Variants in MTUS2 observed in about 807,000 individuals in gnomAD.
MTUS2 encodes the protein microtubule-associated tumor suppressor candidate 2.
Under a neutral mutation model 114.1 loss-of-function variants are expected in MTUS2, and 40 were observed. The observed-to-expected ratio is 0.35, with a 90% CI of 0.27 to 0.46. The LOEUF is 0.46. Among genes scored for constraint, MTUS2 ranks in the 20% least tolerant of loss-of-function variants. The pLI is 1.00. For synonymous variants in MTUS2, 688 were observed against 672.0 expected (o/e 1.02, Z -0.37); for missense variants, 1,679 against 1,705.4 (o/e 0.98, Z 0.27).
intron 8 of MTUS2, among the ~76,000 whole-genome samples, chr13:29,420,478 A>G (rs1355657155): frequency 1.3e-5 from 2 of 152,064 alleles, no homozygotes; most frequent in African/African-American, 2.4e-5. Context: ...GGGTTTCACC[A>G]TGTTGGCCAG....
At chr13:29,390,122 C>A (rs9670887) in intron 8 of MTUS2, among the ~76,000 whole-genome samples, 4,633 of 138,460 alleles carry the variant, frequency 0.033, 353 homozygotes, top group African/African-American at 0.12. Flanking sequence ...CATACACACA[C>A]AAACATATAT....
intron 8 of MTUS2, among the ~76,000 whole-genome samples, chr13:29,372,508 A>G (rs1566161005): frequency 1.1e-4 from 1 of 8,832 alleles, no homozygotes; most frequent in Non-Finnish European, 5.6e-3. Context: ...CCAGAAGATC[A>G]ACACTCTACC....
intron 2 of MTUS2, among the ~76,000 whole-genome samples, chr13:28,867,301 T>C (rs1344070531): frequency 3.3e-5 from 5 of 152,244 alleles, no homozygotes; most frequent in Non-Finnish European, 7.3e-5. Flanking sequence ...TCTTTTTTTC[T>C]TCTCTGTTTC....
chr13:29,335,745 G>A (rs538513462), intron 7 of MTUS2, among the ~76,000 whole-genome samples: 5 of 152,302 alleles, frequency 3.3e-5, no homozygotes, highest in African/African-American at 1.2e-4. Context: ...GTCTTGCTAG[G>A]TTGAGGAAGT....
intron 2 of MTUS2, among the ~76,000 whole-genome samples, chr13:28,991,100 G>C (rs993065607): frequency 1.3e-5 from 2 of 152,214 alleles, no homozygotes; most frequent in African/African-American, 4.8e-5. Context: ...AGCTGCTGCT[G>C]CTGGGCAGAG....
intron 1 of MTUS2, among the ~76,000 whole-genome samples, chr13:28,834,256 A>C (rs1030102258): frequency 6.6e-6 from 1 of 152,172 alleles, no homozygotes; most frequent in Non-Finnish European, 1.5e-5. Context: ...TGAAGGAAGC[A>C]CAAGTTCTAA....
At chr13:29,014,079 A>T (rs375375063) in intron 2 of MTUS2, among the ~76,000 whole-genome samples, 1 of 152,118 alleles carries the variant, frequency 6.6e-6, no homozygotes, top group East Asian at 1.9e-4. Context: ...ATGCTCAGTA[A>T]ATCAGGTCCA....
At chr13:28,930,813 A>G (rs567141541) in intron 2 of MTUS2, among the ~76,000 whole-genome samples, 44 of 152,310 alleles carry the variant, frequency 2.9e-4, no homozygotes, top group African/African-American at 1.0e-3. Flanking sequence ...CAGAGGGAGG[A>G]CATTCCTATT....
chr13:28,935,205 AG>A (rs1335616348), intron 2 of MTUS2, among the ~76,000 whole-genome samples: 2 of 152,150 alleles, frequency 1.3e-5, no homozygotes, highest in Admixed American at 6.5e-5. Context: ...TCTACTGTTT[AG>A]GGACATTCGG....
At chr13:29,153,613 T>G (rs1386058506) in intron 5 of MTUS2, among the ~76,000 whole-genome samples, 1 of 152,172 alleles carries the variant, frequency 6.6e-6, no homozygotes, top group Non-Finnish European at 1.5e-5. Flanking sequence ...TGGGCTTGTC[T>G]GTATCCACCA....
intron 5 of MTUS2, among the ~76,000 whole-genome samples, chr13:29,276,823 A>G (rs947352748): frequency 1.3e-5 from 2 of 152,176 alleles, no homozygotes; most frequent in Admixed American, 6.5e-5. Flanking sequence ...ACTGGAACTC[A>G]GGAGGCAGAG....
chr13:29,322,652 G>T (rs1343559205), intron 6 of MTUS2, among the ~76,000 whole-genome samples: 2 of 152,206 alleles, frequency 1.3e-5, no homozygotes, highest in East Asian at 3.9e-4. Context: ...TGATGAGAGG[G>T]CCACAGTAGT....
chr13:29,414,914 A>G (rs928389866), intron 8 of MTUS2, among the ~76,000 whole-genome samples: 1 of 151,058 alleles, frequency 6.6e-6, no homozygotes, highest in Non-Finnish European at 1.5e-5. Flanking sequence ...TTTACTTATG[A>G]AAGTGTTTCA....
chr13:29,073,985 C>A, intron 4 of MTUS2, among the ~76,000 whole-genome samples: 1 of 152,166 alleles, frequency 6.6e-6, no homozygotes, highest in East Asian at 1.9e-4. Context: ...CTTAATCCAT[C>A]CGCTCAGCCC....
At chr13:28,973,940 G>A (rs1883971367) in intron 2 of MTUS2, among the ~76,000 whole-genome samples, 1 of 152,198 alleles carries the variant, frequency 6.6e-6, no homozygotes, top group Non-Finnish European at 1.5e-5. Context: ...GAAAATGTAG[G>A]TGCCTTCAGC....
chr13:29,363,513 A>G (rs967449151), intron 8 of MTUS2, among the ~76,000 whole-genome samples: 1 of 152,204 alleles, frequency 6.6e-6, no homozygotes. Flanking sequence ...CAGAGTGTGT[A>G]TATATTTTAA....
At chr13:29,389,333 A>ATATGTATACACGTGTGTATG (rs1872907016) in intron 8 of MTUS2, among the ~76,000 whole-genome samples, 1 of 55,748 alleles carries the variant, frequency 1.8e-5, no homozygotes, top group Non-Finnish European at 4.0e-5. Context: ...ATGTGTGTAT[A>ATATGTATACACGTGTGTATG]TATGTATGCA....
At chr13:29,246,427 C>T (rs923429147) in intron 5 of MTUS2, among the ~76,000 whole-genome samples, 1 of 152,216 alleles carries the variant, frequency 6.6e-6, no homozygotes, top group Non-Finnish European at 1.5e-5. Flanking sequence ...TGCTGCTCAA[C>T]ACAGAACTCA....
At chr13:29,464,497 C>G (rs767955501) in intron 9 of MTUS2, among the ~76,000 whole-genome samples, 14 of 152,170 alleles carry the variant, frequency 9.2e-5, no homozygotes, top group Admixed American at 3.3e-4. Flanking sequence ...TTTTAAGCAG[C>G]CTTCCTGGCA....
Sources: gnomAD v4.1 joint callset for allele counts (sites outside exome capture counted in the v4.1 genomes callset) on GRCh38, gnomAD v4.1.1 for gene constraint, MANE v1.5 for transcripts, NCBI Gene and HGNC (gene_info 2026-07-23, HGNC 2026-07-21) for gene names.